NHERF1: variants seen among roughly 807,000 people sequenced by gnomAD.
The protein encoded by NHERF1 is Na(+)/H(+) exchange regulatory cofactor NHE-RF1.
the NHERF1 span, chr17:74,748,830 A>G: frequency 1.3e-6 from 2 of 1,581,122 alleles, no homozygotes; most frequent in East Asian, 2.3e-5. The surrounding 1 kb of genome is among the most constrained non-coding windows in gnomAD (Gnocchi z 4.3). Context: ...CGCGCCGCTG[A>G]CCCGTCGCAG....
At chr17:74,767,182 G>T in the NHERF1 span, among the ~76,000 whole-genome samples, 1 of 152,284 alleles carries the variant, frequency 6.6e-6, no homozygotes, top group African/African-American at 2.4e-5. Flanking sequence ...GGAGGGAGCG[G>T]GCTGGCTGGG....
the NHERF1 span, among the ~76,000 whole-genome samples, chr17:74,750,443 G>A: frequency 6.6e-6 from 1 of 152,172 alleles, no homozygotes; most frequent in Admixed American, 6.5e-5. Context: ...GGCACAGTTC[G>A]GCATTAAGGT....
At chr17:74,768,569 C>G in the NHERF1 span, 1 of 1,614,108 alleles carries the variant, frequency 6.2e-7, no homozygotes, top group Non-Finnish European at 8.5e-7. Flanking sequence ...TGGCCATGGC[C>G]AAAGAGAGGG....
the NHERF1 span, chr17:74,768,403 G>T: frequency 6.3e-7 from 1 of 1,579,940 alleles, no homozygotes; most frequent in Non-Finnish European, 8.7e-7. Flanking sequence ...CCTCACCAAG[G>T]CTGAGGACCA....
the NHERF1 span, among the ~76,000 whole-genome samples, chr17:74,753,402 C>G: frequency 4.6e-5 from 7 of 152,282 alleles, no homozygotes; most frequent in East Asian, 9.6e-4. Flanking sequence ...CATTTTACAC[C>G]AACCAAGTTG....
At chr17:74,761,890 T>G in the NHERF1 span, 1 of 972,974 alleles carries the variant, frequency 1.0e-6, no homozygotes, top group Non-Finnish European at 1.6e-6. This position sits in a 1 kb window ranked among gnomAD's most constrained non-coding sequence, Gnocchi z 4.3. Context: ...TGTGTAGGGA[T>G]CTAGGCAAAT....
chr17:74,753,493 T>C, the NHERF1 span, among the ~76,000 whole-genome samples: 3,694 of 152,298 alleles, frequency 0.024, 154 homozygotes, highest in African/African-American at 0.084. Context: ...TGTTTGTGTG[T>C]TGGGATCTCT....
At chr17:74,749,465 G>A in the NHERF1 span, among the ~76,000 whole-genome samples, 2 of 152,194 alleles carry the variant, frequency 1.3e-5, no homozygotes, top group Non-Finnish European at 2.9e-5. The surrounding 1 kb of genome is among the most constrained non-coding windows in gnomAD (Gnocchi z 5.6). Flanking sequence ...GCAGGCCTGG[G>A]GCTGCGTCCC....
chr17:74,763,888 G>A, the NHERF1 span, among the ~76,000 whole-genome samples: 4 of 152,236 alleles, frequency 2.6e-5, no homozygotes, highest in Admixed American at 2.0e-4. Context: ...GGTTAACTCC[G>A]GGGAGGCCTC....
At chr17:74,763,777 A>C in the NHERF1 span, among the ~76,000 whole-genome samples, 1 of 152,198 alleles carries the variant, frequency 6.6e-6, no homozygotes. Flanking sequence ...AGATGGACAG[A>C]TCTTCTTATT....
chr17:74,751,831 A>G, the NHERF1 span, among the ~76,000 whole-genome samples: 1 of 152,232 alleles, frequency 6.6e-6, no homozygotes, highest in Non-Finnish European at 1.5e-5. The surrounding 1 kb of genome is among the most constrained non-coding windows in gnomAD (Gnocchi z 4.3). Flanking sequence ...TGTACTAGCC[A>G]GGCTGTGCGA....
chr17:74,759,211 C>T, the NHERF1 span, among the ~76,000 whole-genome samples: 70 of 152,292 alleles, frequency 4.6e-4, 1 homozygote, highest in Non-Finnish European at 9.9e-4. Flanking sequence ...GTCCTGGAGC[C>T]GCCACAGAGC....
At chr17:74,755,295 C>G in the NHERF1 span, among the ~76,000 whole-genome samples, 1 of 152,192 alleles carries the variant, frequency 6.6e-6, no homozygotes, top group Non-Finnish European at 1.5e-5. Flanking sequence ...GTGGCAGGCT[C>G]CTGTCCCCAT....
the NHERF1 span, among the ~76,000 whole-genome samples, chr17:74,749,765 C>T: frequency 6.6e-6 from 1 of 152,178 alleles, no homozygotes; most frequent in Non-Finnish European, 1.5e-5. The surrounding 1 kb of genome is among the most constrained non-coding windows in gnomAD (Gnocchi z 5.6). Flanking sequence ...TAGCATTACT[C>T]CTCCTGTGTG....
At chr17:74,767,896 T>C in the NHERF1 span, 5 of 614,138 alleles carry the variant, frequency 8.1e-6, no homozygotes, top group African/African-American at 1.8e-5. Context: ...GCGGTTCAGC[T>C]AATCCCATGA....
chr17:74,768,275 G>A, the NHERF1 span: 1 of 1,505,400 alleles, frequency 6.6e-7, no homozygotes, highest in South Asian at 1.1e-5. Context: ...TGGGTTACAG[G>A]AAGCCGATTC....
the NHERF1 span, among the ~76,000 whole-genome samples, chr17:74,765,250 C>CT: frequency 2.0e-5 from 3 of 152,120 alleles, no homozygotes; most frequent in Admixed American, 1.3e-4. Context: ...ATTATTTTCT[C>CT]TTTTTTTCTT....
At chr17:74,767,354 T>C in the NHERF1 span, among the ~76,000 whole-genome samples, 2 of 151,658 alleles carry the variant, frequency 1.3e-5, no homozygotes, top group South Asian at 2.1e-4. Context: ...AAGCCCCTCC[T>C]CCCCCCTTCC....
At chr17:74,759,451 A>G in the NHERF1 span, among the ~76,000 whole-genome samples, 2 of 152,174 alleles carry the variant, frequency 1.3e-5, no homozygotes, top group East Asian at 1.9e-4. Flanking sequence ...GACCAGGGCC[A>G]GAGGATGGGC....
Sources: gnomAD v4.1 joint callset for allele counts (sites outside exome capture counted in the v4.1 genomes callset) on GRCh38, gnomAD v4.1.1 for gene constraint, Gnocchi (gnomAD v3.1) non-coding constraint, MANE v1.5 for transcripts, NCBI Gene and HGNC (gene_info 2026-07-23, HGNC 2026-07-21) for gene names.